The following SLC45A3 variants were observed in gnomAD, a reference collection of about 807,000 sequenced individuals.
SLC45A3 encodes prostate cancer associated protein 2.
Under a neutral mutation model 35.3 loss-of-function variants are expected in SLC45A3, and 17 were observed. The ratio of observed to expected loss-of-function variants is 0.48; its 90% confidence interval spans 0.33 to 0.72. The LOEUF (loss-of-function observed/expected upper bound fraction) is 0.72, where lower values mean the gene tolerates loss of function less well. SLC45A3 is among the 30% of genes least tolerant of loss of function. The pLI is 0.02. For synonymous variants in SLC45A3, 288 were observed against 334.3 expected (o/e 0.86, Z 1.51); for missense variants, 597 against 731.7 (o/e 0.82, Z 2.12).
chr1:205,658,370 A>G lies in SLC45A3; in HGVS notation c.*864T>C. On this transcript the variant is annotated 3_prime_UTR_variant, in exon 5 of 5. Transcript: ENST00000367145. ...ACAGCATTTGGAATTATCATTTGGG[A>G]TGAGTAGAATTTCCAAGGTCCTGGG... 4.3e-6 allele frequency: 1 copy of G among 232,482 alleles called. No homozygotes were observed. Among genetic ancestry groups the G allele is most frequent in the Non-Finnish European group, 8.5e-6 (1 of 117,580 alleles). 14.4% of individuals were successfully genotyped at this position (232,482 alleles called of 1,614,324 possible).
chr1:205,661,552 C>A (rs561532525), intron 4 of SLC45A3, among the ~76,000 whole-genome samples: 1 of 152,276 alleles, frequency 6.6e-6, no homozygotes, highest in Non-Finnish European at 1.5e-5. Flanking sequence ...CTCCATAGAA[C>A]AACCAGCCTA....
chr1:205,659,359 T>G lies in SLC45A3; in HGVS notation c.1537A>C (p.Ile513Leu). The G allele has an allele frequency of 6.2e-7, 1 of 1,614,104 alleles. No individual in the cohort carries two copies. The highest frequency in any genetic ancestry group is 8.5e-7 in the Non-Finnish European group (1 of 1,180,018). The change falls in exon 5 of 5, where the codon ATT (isoleucine) becomes CTT (leucine). Residue 513 changes from isoleucine (I) to leucine (L), a missense_variant. This residue lies in a region of SLC45A3 where 555 missense variants were observed against 664.9 expected (regional missense o/e 0.83). Transcript: ENST00000367145. This position sits in a 1 kb window ranked among gnomAD's most constrained non-coding sequence, Gnocchi z 5.8. ...QVAPSLFMGS[I>L]VQLSQSVTAY... ...GTGACAGACTGGCTGAGCTGGACAA[T>G]GGAGCCCATAAACAGGGATGGGGCC... is the stretch of plus-strand genomic sequence containing the variant.
intron 1 of SLC45A3, among the ~76,000 whole-genome samples, chr1:205,668,273 C>T (rs1450787311): frequency 4.6e-5 from 7 of 152,126 alleles, no homozygotes; most frequent in Admixed American, 4.6e-4. Flanking sequence ...GCTAAGGAGA[C>T]CACAGAGGAC....
chr1:205,678,044 C>T (rs1199445914), intron 1 of SLC45A3, among the ~76,000 whole-genome samples: 2 of 152,112 alleles, frequency 1.3e-5, no homozygotes, highest in African/African-American at 4.8e-5. Flanking sequence ...TGGCCGGGTG[C>T]GGTGGCTCAC....
rs890170750 is a variant in SLC45A3 at position 205,669,537 on chromosome 1, G to T, written c.-230-4651C>A. Among the ~76,000 whole-genome samples the T allele has an allele frequency of 1.3e-5, 2 of 152,138 alleles. No homozygotes were observed. Among genetic ancestry groups the T allele is most frequent in the African/African-American group, 4.8e-5 (2 of 41,438 alleles). On this transcript the variant is annotated intron_variant, in intron 1 of 4. Coordinates refer to ENST00000367145, the MANE Select transcript of SLC45A3 (RefSeq NM_033102.3). The surrounding 1 kb of genome is among the most constrained non-coding windows in gnomAD (Gnocchi z 4.1). ...ACAGACAGAGGCCCGTGGAAGCCCA[G>T]GCTGGGGGCAGCCCCCACCCCGGGC...
At chr1:205,676,295 G>A (rs981603720) in intron 1 of SLC45A3, among the ~76,000 whole-genome samples, 1 of 152,166 alleles carries the variant, frequency 6.6e-6, no homozygotes, top group African/African-American at 2.4e-5. Context: ...GCTGTTGTGG[G>A]CTGGCTGCTC....
rs1671028621 is a variant in SLC45A3 at position 205,661,799 on chromosome 1, T to C, written c.1224+62A>G. ...GCCAGATACCAGGTTCTGAGCTAGT[T>C]GGCCTCCCAAAAACCCAGACCACCC... On this transcript the variant is annotated intron_variant, in intron 4 of 4. Transcript: ENST00000367145. The C allele has an allele frequency of 1.9e-6, 3 of 1,558,694 alleles. No individual in the cohort carries two copies. The East Asian group carries it at 6.8e-5, about 35-fold the overall frequency.
chr1:205,668,148 T>C (rs1450445122), intron 1 of SLC45A3, among the ~76,000 whole-genome samples: 1 of 152,052 alleles, frequency 6.6e-6, no homozygotes, highest in Admixed American at 6.6e-5. Context: ...CGGAATTGCC[T>C]GAGAAGTTCC....
At position 205,664,045 on chromosome 1, in the gene SLC45A3, C is replaced by T. The variant is rs757412268; in HGVS notation, c.173-427G>A. ...TTGTCCTAGGGGTAGGAGCAAGCTC[C>T]GGCTGGGAGACCTTGATGGAGTCCC... On this transcript the variant is annotated intron_variant, in intron 2 of 4. Coordinates refer to ENST00000367145, the MANE Select transcript of SLC45A3 (RefSeq NM_033102.3). The surrounding 1 kb of genome is among the most constrained non-coding windows in gnomAD (Gnocchi z 5.3). Among the ~76,000 whole-genome samples the T allele has an allele frequency of 3.9e-5, 6 of 152,126 alleles. No homozygotes were observed. Among genetic ancestry groups the T allele is most frequent in the Admixed American group, 6.5e-5 (1 of 15,280 alleles).
At chr1:205,670,037 C>A (rs1671184047) in intron 1 of SLC45A3, among the ~76,000 whole-genome samples, 1 of 152,084 alleles carries the variant, frequency 6.6e-6, no homozygotes, top group Non-Finnish European at 1.5e-5. Context: ...CCCTCCTCGC[C>A]CCAGTCCCAA....
At chr1:205,680,349 G>A (rs536877201) in intron 1 of SLC45A3, 45 bp downstream of exon 1, 1 of 151,994 alleles carries the variant, frequency 6.6e-6, no homozygotes, top group Non-Finnish European at 1.5e-5. Context: ...TCCCTTTCCC[G>A]CGCCGGGACC....
At chr1:205,680,167 A>C (rs959562141) in intron 1 of SLC45A3, among the ~76,000 whole-genome samples, 1 of 151,170 alleles carries the variant, frequency 6.6e-6, no homozygotes, top group Non-Finnish European at 1.5e-5. Flanking sequence ...CTCAGCGGGG[A>C]CCCGTGCAGG....
chr1:205,662,152 CAG>C lies in SLC45A3; in HGVS notation c.959-28_959-27del, dbSNP rs373803518. On this transcript the variant is annotated intron_variant, in intron 3 of 4. Coordinates refer to ENST00000367145, the MANE Select transcript of SLC45A3 (RefSeq NM_033102.3). This position sits in a 1 kb window ranked among gnomAD's most constrained non-coding sequence, Gnocchi z 6.2. Reference sequence around the variant, plus strand: ...CTGCAGAGGGAGAGGGGCCATCAGACAGAGCCTGGGAGGGAAGGGTCGGAGCA... The same window carrying C: ...CTGCAGAGGGAGAGGGGCCATCAGACAGCCTGGGAGGGAAGGGTCGGAGCA... 3,441 of 1,602,690 alleles carry C rather than the reference CAG, an allele frequency of 2.1e-3. 17 individuals carry two copies. The Middle Eastern group carries it at 0.033, about 15-fold the overall frequency.
Position 205,669,975 on chromosome 1 carries a change from A to T in SLC45A3, c.-230-5089T>A, listed in dbSNP as rs1671182446. Among the ~76,000 whole-genome samples, 1 of 152,170 alleles carries T rather than the reference A, an allele frequency of 6.6e-6. No homozygotes were observed. On this transcript the variant is annotated intron_variant, in intron 1 of 4. Coordinates refer to ENST00000367145, the MANE Select transcript of SLC45A3 (RefSeq NM_033102.3). The surrounding 1 kb of genome is among the most constrained non-coding windows in gnomAD (Gnocchi z 4.1). ...AGGGTCCTCTAGGTTGGGGGCAGGGAGTGGACCTCTCAGGTCTGGGGGTTC... is the reference window on the plus strand; with the variant it reads ...AGGGTCCTCTAGGTTGGGGGCAGGGTGTGGACCTCTCAGGTCTGGGGGTTC...
At chr1:205,661,733 G>A in intron 4 of SLC45A3, 128 bp downstream of exon 4, 1 of 1,364,188 alleles carries the variant, frequency 7.3e-7, no homozygotes, top group Non-Finnish European at 9.8e-7. Flanking sequence ...GCTAGGATAA[G>A]CTTCTTCTCT....
At chr1:205,675,104 T>C (rs375333752) in intron 1 of SLC45A3, among the ~76,000 whole-genome samples, 1 of 152,240 alleles carries the variant, frequency 6.6e-6, no homozygotes, top group Non-Finnish European at 1.5e-5. Flanking sequence ...CTAATGCTAA[T>C]AGACTGAGTG....
intron 1 of SLC45A3, among the ~76,000 whole-genome samples, chr1:205,676,702 T>C (rs931347070): frequency 1.3e-5 from 2 of 152,088 alleles, no homozygotes; most frequent in African/African-American, 2.4e-5. Context: ...ACACAGACCA[T>C]GTAGTAGAAA....
rs199993352 is a variant in SLC45A3 at position 205,664,466 on chromosome 1, G to A, written c.172+19C>T. 24 of 1,612,772 alleles carry A rather than the reference G, an allele frequency of 1.5e-5. No homozygotes were observed. The highest frequency in any genetic ancestry group is 2.2e-5 in the East Asian group (1 of 44,842). ...GGCATGTATCTGGAACAGGAAGGAA[G>A]GAGGATGTAGTGACTCACCCAGCAC... is the stretch of plus-strand genomic sequence containing the variant. On this transcript the variant is annotated intron_variant, in intron 2 of 4. Transcript: ENST00000367145. This position sits in a 1 kb window ranked among gnomAD's most constrained non-coding sequence, Gnocchi z 5.3.
intron 1 of SLC45A3, among the ~76,000 whole-genome samples, chr1:205,671,909 A>G (rs888174259): frequency 3.9e-5 from 6 of 152,068 alleles, no homozygotes; most frequent in African/African-American, 1.4e-4. Flanking sequence ...ACAGAAAAGA[A>G]AACGCACAAT....
Sources: gnomAD v4.1 joint callset for allele counts (sites outside exome capture counted in the v4.1 genomes callset) on GRCh38, gnomAD v4.1.1 for gene constraint, gnomAD v4.1.1 regional missense constraint, Gnocchi (gnomAD v3.1) non-coding constraint, MANE v1.5 for transcripts, NCBI Gene and HGNC (gene_info 2026-07-23, HGNC 2026-07-21) for gene names.